The following ULK1 variants were observed in gnomAD, a reference collection of about 807,000 sequenced individuals.
ULK1 encodes the protein serine/threonine-protein kinase ULK1.
In ULK1, 48 loss-of-function variants were observed where a neutral mutation model predicts 117.5. The observed-to-expected ratio is 0.41, with a 90% confidence interval of 0.32 to 0.52. The LOEUF is 0.52. Among genes scored for constraint, ULK1 ranks in the 20% least tolerant of loss-of-function variants. The pLI, the probability that ULK1 is intolerant of heterozygous loss-of-function variation, is 0.29. For synonymous variants in ULK1, 790 were observed against 637.8 expected (o/e 1.24, Z -3.60); for missense variants, 1,387 against 1,473.4 (o/e 0.94, Z 0.96).
Position 131,921,835 on chromosome 12 carries a change from A to G in ULK1, c.*474A>G, listed in dbSNP as rs1022134827. 2.1e-6 allele frequency: 1 copy of G among 469,466 alleles called. No individual in the cohort carries two copies. The highest frequency in any genetic ancestry group is 2.0e-5 in the African/African-American group (1 of 50,572). 29.1% of individuals were successfully genotyped at this position (469,466 alleles called of 1,614,324 possible). On this transcript the variant is annotated 3_prime_UTR_variant, in exon 28 of 28. Coordinates refer to ENST00000321867, the MANE Select transcript of ULK1 (RefSeq NM_003565.4). ...CCCACCCAGCTTTGTCAATCACCCAAGCACTTTATGCATATAGAGACAGAA... is the reference window on the plus strand; with the variant it reads ...CCCACCCAGCTTTGTCAATCACCCAGGCACTTTATGCATATAGAGACAGAA...
intron 12 of ULK1, 68 bp downstream of exon 12, chr12:131,910,868 GC>G: frequency 1.9e-6 from 3 of 1,597,520 alleles, no homozygotes; most frequent in Non-Finnish European, 8.5e-7. Context: ...CCAGCCCTGG[GC>G]CCCCGCGGGG....
intron 12 of ULK1, among the ~76,000 whole-genome samples, chr12:131,911,125 T>A (rs1347394422): frequency 6.6e-6 from 1 of 152,206 alleles, no homozygotes; most frequent in Non-Finnish European, 1.5e-5. Context: ...TGTCTTCCAT[T>A]GGACTCAAAG....
chr12:131,921,649 T>C lies in ULK1; in HGVS notation c.*288T>C. ...AGCAGGCGTGGGTGCCACCACCCTC[T>C]AGCCCCAGGGCAGCCCCGGAGGACA... On this transcript the variant is annotated 3_prime_UTR_variant, in exon 28 of 28. Coordinates refer to ENST00000321867, the MANE Select transcript of ULK1 (RefSeq NM_003565.4). 4.9e-6 allele frequency: 3 copies of C among 607,080 alleles called. No homozygotes were observed. The highest frequency in any genetic ancestry group is 1.9e-5 in the South Asian group (1 of 52,338). 37.6% of individuals were successfully genotyped at this position (607,080 alleles called of 1,614,324 possible).
chr12:131,915,891 G>T lies in ULK1; in HGVS notation c.1610G>T (p.Gly537Val). 1.2e-6 allele frequency: 2 copies of T among 1,609,934 alleles called. No individual in the cohort carries two copies. The highest frequency in any genetic ancestry group is 1.7e-6 in the Non-Finnish European group (2 of 1,179,760). Residue 537 changes from glycine to valine, a missense_variant and splice_region_variant, in exon 19 of 28, where the codon GGC becomes GTC. Around this residue, in one of 4 missense-constraint regions of ULK1, gnomAD observed 900 missense variants for 858.9 expected, o/e 1.05. Transcript: ENST00000321867. ...CGTGACGAGGCGTGTCTCTCTCTAG[G>T]CTCCTCTGCACCCGAGCACTCTCCC... Reference protein sequence around the residue: ...EMRGGRSPRPGSSAPEHSPRT... With the variant: ...EMRGGRSPRPVSSAPEHSPRT...
At chr12:131,901,854 G>A (rs61942427) in intron 3 of ULK1, among the ~76,000 whole-genome samples, 26,554 of 151,880 alleles carry the variant, frequency 0.17, 4,620 homozygotes, top group African/African-American at 0.45. Context: ...AGGAGTTGGC[G>A]TCTTCCTGAG....
intron 12 of ULK1, among the ~76,000 whole-genome samples, chr12:131,911,055 C>T (rs963413167): frequency 1.3e-5 from 2 of 152,328 alleles, no homozygotes; most frequent in South Asian, 2.1e-4. Flanking sequence ...TTTGTGCTGA[C>T]GTGGACAGAA....
intron 25 of ULK1, 127 bp downstream of exon 25, chr12:131,919,717 G>A: frequency 8.7e-7 from 1 of 1,147,468 alleles, no homozygotes; most frequent in African/African-American, 1.5e-5. Context: ...AGAGGCCCCG[G>A]GGCCTGGCCC....
rs772024290 is a variant in ULK1 at position 131,918,655 on chromosome 12, G to T, written c.2485G>T (p.Asp829Tyr). The T allele has an allele frequency of 1.2e-6, 2 of 1,606,848 alleles. No individual in the cohort carries two copies. The highest frequency in any genetic ancestry group is 1.7e-6 in the Non-Finnish European group (2 of 1,177,534). ...LEGAVTFEAPDLPEETLMEQE... is the reference protein window; with the variant it reads ...LEGAVTFEAPYLPEETLMEQE... ...GGGGGCTGTGACCTTCGAGGCCCCC[G>T]ACCTCCCTGAGGAGACCCTCATGGA... Residue 829 changes from aspartate (D) to tyrosine (Y), a missense_variant, in exon 23 of 28, where the codon GAC becomes TAC. This residue lies in a region of ULK1 where 900 missense variants were observed against 858.9 expected (regional missense o/e 1.05). Coordinates refer to ENST00000321867, the MANE Select transcript of ULK1 (RefSeq NM_003565.4).
intron 3 of ULK1, among the ~76,000 whole-genome samples, chr12:131,905,325 TC>T (rs768096925): frequency 9.9e-5 from 15 of 152,044 alleles, no homozygotes; most frequent in Admixed American, 5.9e-4. Flanking sequence ...TTTGCGGCTG[TC>T]CCCCCCACCA....
intron 23 of ULK1, among the ~76,000 whole-genome samples, 164 bp downstream of exon 23, chr12:131,918,845 C>CGGGTGTG (rs1890001208): frequency 3.4e-4 from 1 of 2,972 alleles, no homozygotes; most frequent in Non-Finnish European, 1.1e-3. Flanking sequence ...TGTGGGGTGT[C>CGGGTGTG]GGGTGTGTGG....
At chr12:131,895,504 A>T in intron 1 of ULK1, 97 bp from the exon 2 acceptor site, 1 of 1,039,390 alleles carries the variant, frequency 9.6e-7, no homozygotes, top group East Asian at 2.6e-5. Context: ...GGGATTCCCA[A>T]CCGGGATCAT....
At chr12:131,904,764 G>A (rs1489927689) in intron 3 of ULK1, among the ~76,000 whole-genome samples, 1 of 152,118 alleles carries the variant, frequency 6.6e-6, no homozygotes, top group African/African-American at 2.4e-5. Flanking sequence ...GAGAGGAGAG[G>A]AGAAATGTGG....
chr12:131,921,096 C>G lies in ULK1; in HGVS notation c.2962-4C>G. ...CCCTGTCCAGCCTCTGTCCTCGCCCCCAGGTGCAGTCGGCTGCCCTGGACG... is the reference window on the plus strand; with the variant it reads ...CCCTGTCCAGCCTCTGTCCTCGCCCGCAGGTGCAGTCGGCTGCCCTGGACG... On this transcript the variant is annotated splice_polypyrimidine_tract_variant and splice_region_variant and intron_variant, in intron 26 of 27. Transcript: ENST00000321867. 6.3e-7 allele frequency: 1 copy of G among 1,589,230 alleles called. No homozygotes were observed. The highest frequency in any genetic ancestry group is 2.3e-5 in the East Asian group (1 of 44,330).
Position 131,916,415 on chromosome 12 carries a change from C to A in ULK1, c.1896C>A (p.Asp632Glu). 6.3e-7 allele frequency: 1 copy of A among 1,588,390 alleles called. No individual in the cohort carries two copies. The highest frequency in any genetic ancestry group is 8.6e-7 in the Non-Finnish European group (1 of 1,167,600). Residue 632 changes from aspartate (D) to glutamate (E), a missense_variant, in exon 20 of 28, where the codon GAC (aspartate) becomes GAA (glutamate). Around this residue, in one of 4 missense-constraint regions of ULK1, gnomAD observed 900 missense variants for 858.9 expected, o/e 1.05. Coordinates refer to ENST00000321867, the MANE Select transcript of ULK1 (RefSeq NM_003565.4). ...GSPTKAVPSFDFPKTPSSQNL... is the reference protein window; with the variant it reads ...GSPTKAVPSFEFPKTPSSQNL... Reference sequence around the variant, plus strand: ...CCTCCTAGGCTGTGCCCTCCTTTGACTTCCCGAAGACCCCCAGCTCCCAGA... The same window carrying A: ...CCTCCTAGGCTGTGCCCTCCTTTGAATTCCCGAAGACCCCCAGCTCCCAGA...
rs756445955 is a variant in ULK1, at chr12:131,907,483, G to C, written c.280-12G>C. 1 of 1,612,578 alleles carries C rather than the reference G, an allele frequency of 6.2e-7. No homozygotes were observed. Among genetic ancestry groups the C allele is most frequent in the Non-Finnish European group, 8.5e-7 (1 of 1,179,580 alleles). ...CCCTGCTGCAGCCTGATGCGTGTCT[G>C]GTCTCTTGCAGTACTGCAACGGTGG... On this transcript the variant is annotated splice_polypyrimidine_tract_variant and intron_variant, in intron 4 of 27. Transcript: ENST00000321867.
chr12:131,909,303 G>T, intron 8 of ULK1, 66 bp downstream of exon 8: 1 of 1,482,874 alleles, frequency 6.7e-7, no homozygotes, highest in Non-Finnish European at 9.0e-7. Context: ...GCTGCGGTCA[G>T]ACGCCCCCTG....
chr12:131,897,210 C>T (rs1167312989), intron 3 of ULK1: 1 of 152,240 alleles, frequency 6.6e-6, no homozygotes, highest in Non-Finnish European at 1.5e-5. Context: ...CCCTCGCCCC[C>T]ACAGGCGTGG....
rs1362280329 is a variant in ULK1, at chr12:131,921,932, A to T, written c.*571A>T. ...CTGGTGTTTGTACATACACATATGC[A>T]GACACATGCCAGGGCCCCCCAAGCC... On this transcript the variant is annotated 3_prime_UTR_variant, in exon 28 of 28. Coordinates refer to ENST00000321867, the MANE Select transcript of ULK1 (RefSeq NM_003565.4). The T allele has an allele frequency of 2.2e-6, 1 of 456,352 alleles. No homozygotes were observed. Among genetic ancestry groups the T allele is most frequent in the Non-Finnish European group, 4.4e-6 (1 of 226,940 alleles). The allele number at this position is 456,352 out of a possible 1,614,324, so 28.3% of individuals were successfully genotyped here. A position where few individuals can be genotyped will look rare whatever the true frequency, so the allele number is the denominator to read the frequency against.
rs1889550798 is a variant in ULK1, at chr12:131,911,853, G to A, written c.949-89G>A. On this transcript the variant is annotated intron_variant, in intron 12 of 27. Transcript: ENST00000321867. ...GCCCCAGCGCCCCGATCTTTACTGG[G>A]GCTCTGGGCCATCCCAGGAGGGGGA... is the stretch of plus-strand genomic sequence containing the variant. 1.5e-5 allele frequency: 23 copies of A among 1,585,554 alleles called. No homozygotes were observed. The South Asian group carries it at 2.6e-4, about 18-fold the overall frequency.
Sources: gnomAD v4.1 joint callset for allele counts (sites outside exome capture counted in the v4.1 genomes callset) on GRCh38, gnomAD v4.1.1 for gene constraint, gnomAD v4.1.1 regional missense constraint, MANE v1.5 for transcripts, NCBI Gene and HGNC (gene_info 2026-07-23, HGNC 2026-07-21) for gene names.